The following ZNF282 variants were observed in gnomAD, a reference collection of about 807,000 sequenced individuals.
ZNF282 encodes zinc finger protein 282.
Under a neutral mutation model 61.9 loss-of-function variants are expected in ZNF282, and 30 were observed. The observed-to-expected ratio is 0.48, with a 90% CI of 0.36 to 0.66. The LOEUF is 0.66. ZNF282 is among the 30% of genes least tolerant of loss of function. The pLI is 0.00. For synonymous variants in ZNF282, 396 were observed against 405.0 expected, an observed-to-expected ratio of 0.98 and a Z score of 0.27; for missense variants, 788 against 941.4, an observed-to-expected ratio of 0.84 and a Z score of 2.13.
chr7:149,224,276 G>A lies in ZNF282; in HGVS notation c.1645G>A (p.Ala549Thr), dbSNP rs754747773. The A allele has an allele frequency of 2.5e-6, 4 of 1,612,594 alleles. No individual in the cohort carries two copies. The highest frequency in any genetic ancestry group is 1.7e-6 in the Non-Finnish European group (2 of 1,179,774). The change falls in exon 8 of 8, where the codon GCT becomes ACT. Residue 549 changes from alanine (A) to threonine (T), a missense_variant. Around this residue, in one of 3 missense-constraint regions of ZNF282, gnomAD observed 559 missense variants for 642.0 expected, o/e 0.87. Transcript: ENST00000610704. The stretch of plus-strand genomic sequence containing the variant: ...CACCAAGGAGCGGCCCTACGAGTGC[G>A]CTGAGTGCGAGAAGAGCTTCAACTG... ...SHTKERPYEC[A>T]ECEKSFNCHS... is the part of the protein sequence containing the mutation.
Position 149,224,518 on chromosome 7 carries a change from C to G in ZNF282, c.1887C>G (p.Pro629=), listed in dbSNP as rs146045431. ...KHQRIHTGER[P]YTCGECGKSF... is the part of the protein sequence containing the mutation. Reference sequence around the variant, plus strand: ...AGCGCATCCACACGGGCGAGCGCCCCTACACGTGCGGCGAGTGCGGCAAGA... The same window carrying G: ...AGCGCATCCACACGGGCGAGCGCCCGTACACGTGCGGCGAGTGCGGCAAGA... Residue 629 remains proline (P), a synonymous_variant, in exon 8 of 8, where the codon CCC becomes CCG. Transcript: ENST00000610704. 1.9e-4 allele frequency: 304 copies of G among 1,612,662 alleles called. 1 individual carries two copies. In the African/African-American group the frequency reaches 3.7e-3, roughly 20 times the overall value.
intron 1 of ZNF282, among the ~76,000 whole-genome samples, chr7:149,196,332 C>G (rs1795816077): frequency 6.6e-6 from 1 of 152,176 alleles, no homozygotes; most frequent in Non-Finnish European, 1.5e-5. Context: ...AACTTGGCCG[C>G]ATGTTGGAAT....
chr7:149,206,500 C>A, intron 2 of ZNF282, 196 bp from the exon 3 acceptor site: 1 of 717,508 alleles, frequency 1.4e-6, no homozygotes, highest in Non-Finnish European at 2.3e-6. Context: ...CAGGGTTGAC[C>A]ATCCGTGTTA....
chr7:149,210,361 G>C (rs1224578559), intron 4 of ZNF282, among the ~76,000 whole-genome samples: 1 of 152,142 alleles, frequency 6.6e-6, no homozygotes, highest in Admixed American at 6.5e-5. Context: ...CTCTGCTCCT[G>C]AGACCTTCTG....
chr7:149,212,658 G>T (rs553933057), intron 6 of ZNF282, among the ~76,000 whole-genome samples, 187 bp downstream of exon 6: 1 of 152,292 alleles, frequency 6.6e-6, no homozygotes, highest in African/African-American at 2.4e-5. Context: ...TCAGCTCACC[G>T]CAACCTCCGT....
Position 149,224,422 on chromosome 7 carries a change from G to A in ZNF282, c.1791G>A (p.Thr597=). 2 of 1,613,750 alleles carry A rather than the reference G, an allele frequency of 1.2e-6. No homozygotes were observed. The highest frequency in any genetic ancestry group is 2.2e-5 in the East Asian group (1 of 44,864). Residue 597 remains threonine, a synonymous_variant, in exon 8 of 8, where the codon ACG becomes ACA. Coordinates refer to ENST00000610704, the MANE Select transcript of ZNF282 (RefSeq NM_003575.4). The part of the protein sequence containing the change: ...EHLQNHQRLH[T]GERPFQCALC... ...TGCAGAACCACCAGCGGCTGCACAC[G>A]GGCGAGCGGCCTTTCCAATGTGCAC...
chr7:149,222,859 GAT>G (rs1796277680), intron 7 of ZNF282, among the ~76,000 whole-genome samples: 1 of 152,144 alleles, frequency 6.6e-6, no homozygotes, highest in Non-Finnish European at 1.5e-5. Context: ...TGTTGGGCAG[GAT>G]GGTCTCGATC....
At chr7:149,222,450 A>T (rs1796270583) in intron 7 of ZNF282, among the ~76,000 whole-genome samples, 1 of 152,046 alleles carries the variant, frequency 6.6e-6, no homozygotes, top group South Asian at 2.1e-4. Flanking sequence ...TTCACCTTGG[A>T]TAAAATTCTT....
chr7:149,212,227 G>C, intron 5 of ZNF282, 131 bp from the exon 6 acceptor site: 2 of 619,468 alleles, frequency 3.2e-6, no homozygotes, highest in Non-Finnish European at 5.5e-6. Context: ...TAGTTAATGA[G>C]ACTTATGTAA....
At chr7:149,204,129 G>A (rs1488334086) in intron 2 of ZNF282, among the ~76,000 whole-genome samples, 1 of 152,126 alleles carries the variant, frequency 6.6e-6, no homozygotes, top group Non-Finnish European at 1.5e-5. Flanking sequence ...ACCTGTTGGT[G>A]GGAGGCACGT....
chr7:149,204,549 G>A (rs1010243648), intron 2 of ZNF282, among the ~76,000 whole-genome samples: 15 of 152,104 alleles, frequency 9.9e-5, no homozygotes, highest in African/African-American at 3.6e-4. Context: ...ACAGGCAGGA[G>A]GTGGAGGAAG....
chr7:149,201,573 G>A (rs1436047549), intron 2 of ZNF282, among the ~76,000 whole-genome samples: 1 of 152,136 alleles, frequency 6.6e-6, no homozygotes, highest in African/African-American at 2.4e-5. Flanking sequence ...CCAACATGGT[G>A]AAACCCCATC....
intron 2 of ZNF282, among the ~76,000 whole-genome samples, chr7:149,204,202 T>C (rs1170998107): frequency 6.6e-6 from 1 of 152,144 alleles, no homozygotes; most frequent in Non-Finnish European, 1.5e-5. Context: ...GGAGGCAACA[T>C]AATTACGGGA....
At chr7:149,223,440 C>T (rs191941864) in intron 7 of ZNF282, among the ~76,000 whole-genome samples, 98 of 152,214 alleles carry the variant, frequency 6.4e-4, no homozygotes, top group Admixed American at 2.1e-3. Context: ...AGAGCCAGAC[C>T]CTGTCTGGAA....
rs1450671658 is a variant in ZNF282, at chr7:149,207,332, C to T, written c.713-19C>T. Reference sequence around the variant, plus strand: ...GGTCAACTTCACTCAGCCTTTCCCTCCCTCCTCCTCACTTCCAGACGCGGA... The same window carrying T: ...GGTCAACTTCACTCAGCCTTTCCCTTCCTCCTCCTCACTTCCAGACGCGGA... On this transcript the variant is annotated intron_variant, in intron 3 of 7. Coordinates refer to ENST00000610704, the MANE Select transcript of ZNF282 (RefSeq NM_003575.4). The T allele has an allele frequency of 2.9e-5, 46 of 1,584,264 alleles. No individual in the cohort carries two copies. Among genetic ancestry groups the T allele is most frequent in the Non-Finnish European group, 3.9e-5 (45 of 1,163,136 alleles).
chr7:149,213,491 T>C (rs1266934036), intron 6 of ZNF282, among the ~76,000 whole-genome samples: 1 of 152,116 alleles, frequency 6.6e-6, no homozygotes, highest in Non-Finnish European at 1.5e-5. Context: ...GGGCTAAGCC[T>C]CCTTCTGGCC....
chr7:149,225,175 G>C lies in ZNF282; in HGVS notation c.*528G>C, dbSNP rs947171781. On this transcript the variant is annotated 3_prime_UTR_variant, in exon 8 of 8. Transcript: ENST00000610704. ...TGGCCTATCCCTCTCAGATAGGTGGGGTAGGATTTTCCTGGTGACCGAGTA... is the reference window on the plus strand; with the variant it reads ...TGGCCTATCCCTCTCAGATAGGTGGCGTAGGATTTTCCTGGTGACCGAGTA... The C allele has an allele frequency of 5.1e-5, 8 of 156,314 alleles. No individual in the cohort carries two copies. Among genetic ancestry groups the C allele is most frequent in the African/African-American group, 1.9e-4 (8 of 41,472 alleles). 9.7% of individuals were successfully genotyped at this position (156,314 alleles called of 1,614,324 possible).
intron 2 of ZNF282, among the ~76,000 whole-genome samples, chr7:149,202,406 G>A (rs1197327852): frequency 6.6e-6 from 1 of 151,950 alleles, no homozygotes; most frequent in Non-Finnish European, 1.5e-5. Context: ...CTGCCTCCCG[G>A]GTTCACACCA....
Position 149,210,594 on chromosome 7 carries a change from C to G in ZNF282, c.842C>G (p.Pro281Arg), listed in dbSNP as rs114454649. The stretch of plus-strand genomic sequence containing the variant: ...CATTCTCTGTCCCCAGGAGCAGAGC[C>G]CCTGGTGCCTGCGCAGGATGCGTCC... ...IPMDPEAGAE[P>R]LVPAQDASSQ... The change falls in exon 5 of 8, where the codon CCC (proline) becomes CGC (arginine). Residue 281 changes from proline (P) to arginine (R), a missense_variant. Physicochemically the swap from Pro to Arg is moderately radical, Grantham distance 103 (BLOSUM62 -2). This residue lies in a region of ZNF282 where 559 missense variants were observed against 642.0 expected (regional missense o/e 0.87). Coordinates refer to ENST00000610704, the MANE Select transcript of ZNF282 (RefSeq NM_003575.4). 2 of 1,611,386 alleles carry G rather than the reference C, an allele frequency of 1.2e-6. No individual in the cohort carries two copies. The highest frequency in any genetic ancestry group is 3.4e-5 in the Admixed American group (2 of 59,610).
Sources: allele counts gnomAD v4.1 joint callset (sites outside exome capture counted in the v4.1 genomes callset), GRCh38; gene constraint gnomAD v4.1.1; regional missense constraint gnomAD v4.1.1; transcripts MANE v1.5; gene names NCBI Gene and HGNC (gene_info 2026-07-23, HGNC 2026-07-21).